TENM4: variants seen among roughly 807,000 people sequenced by gnomAD.
The protein encoded by TENM4 is teneurin-4.
A neutral mutation model predicts 243.3 loss-of-function variants in TENM4; 82 were observed. That is an observed-to-expected ratio of 0.34 (90% confidence interval 0.28 to 0.40). The LOEUF (loss-of-function observed/expected upper bound fraction) is 0.40, where lower values mean the gene tolerates loss of function less well. Ranked by LOEUF, TENM4 falls within the 10% of genes least tolerant of loss-of-function variation. The pLI is 1.00. For synonymous variants in TENM4, 1,412 were observed against 1,456.3 expected (o/e 0.97, Z 0.69); for missense variants, 3,138 against 3,673.3 (o/e 0.85, Z 3.77).
At chr11:79,095,285 G>C (rs1478056834) in intron 4 of TENM4, among the ~76,000 whole-genome samples, 1 of 152,174 alleles carries the variant, frequency 6.6e-6, no homozygotes, top group Non-Finnish European at 1.5e-5. Flanking sequence ...CCTCGCCCAG[G>C]TGGTAAGCAG....
chr11:79,409,686 T>A (rs1858657774), intron 1 of TENM4, among the ~76,000 whole-genome samples: 1 of 152,180 alleles, frequency 6.6e-6, no homozygotes, highest in Admixed American at 6.5e-5. Flanking sequence ...TCAACCCACC[T>A]GCAGCCTCCA....
chr11:79,297,919 G>C (rs1353013340), intron 1 of TENM4, among the ~76,000 whole-genome samples: 1 of 151,330 alleles, frequency 6.6e-6, no homozygotes, highest in Non-Finnish European at 1.5e-5. Flanking sequence ...CCAACAATTT[G>C]GGCTTTTTTT....
chr11:79,393,329 C>T (rs542466078), intron 1 of TENM4, among the ~76,000 whole-genome samples: 29 of 125,946 alleles, frequency 2.3e-4, no homozygotes, highest in Non-Finnish European at 4.5e-4. Context: ...AAACTCAGCT[C>T]GTTGGGCAAG....
At chr11:78,866,680 G>A (rs1382434607) in intron 9 of TENM4, among the ~76,000 whole-genome samples, 1 of 152,190 alleles carries the variant, frequency 6.6e-6, no homozygotes, top group Non-Finnish European at 1.5e-5. Context: ...CAACACAGCT[G>A]TGAGGCTGGC....
intron 1 of TENM4, among the ~76,000 whole-genome samples, chr11:79,341,902 C>A (rs1193185131): frequency 6.6e-6 from 1 of 152,158 alleles, no homozygotes; most frequent in Non-Finnish European, 1.5e-5. Context: ...TGAGTTCCAG[C>A]AAATATACCC....
intron 4 of TENM4, among the ~76,000 whole-genome samples, chr11:79,142,358 T>A (rs1176365659): frequency 2.0e-5 from 3 of 151,614 alleles, no homozygotes; most frequent in Non-Finnish European, 4.4e-5. Flanking sequence ...GAAAAAAAAA[T>A]TAAGAATGTA....
chr11:79,413,864 CA>C (rs962835295), intron 1 of TENM4, among the ~76,000 whole-genome samples: 2 of 150,610 alleles, frequency 1.3e-5, no homozygotes, highest in South Asian at 2.1e-4. Flanking sequence ...ATCATGTCTG[CA>C]AAAAAAAGGA....
intron 3 of TENM4, among the ~76,000 whole-genome samples, chr11:79,193,609 C>T (rs77746720): frequency 0.089 from 13,589 of 152,160 alleles, 755 homozygotes; most frequent in Admixed American, 0.15. Flanking sequence ...CACAGACTGA[C>T]ACATCTGATC....
At chr11:79,301,619 T>C (rs1473305881) in intron 1 of TENM4, among the ~76,000 whole-genome samples, 1 of 152,228 alleles carries the variant, frequency 6.6e-6, no homozygotes, top group African/African-American at 2.4e-5. Context: ...ATGAATGACA[T>C]GGTTTGGATC....
chr11:79,396,898 G>A (rs1007701478), intron 1 of TENM4, among the ~76,000 whole-genome samples: 9 of 152,290 alleles, frequency 5.9e-5, no homozygotes, highest in East Asian at 5.8e-4. Flanking sequence ...TGTCTGAGTC[G>A]GTTTGCCAAG....
chr11:79,213,951 T>C (rs983910014), intron 3 of TENM4, among the ~76,000 whole-genome samples: 1 of 152,122 alleles, frequency 6.6e-6, no homozygotes, highest in African/African-American at 2.4e-5. Context: ...CCTCAGTAAA[T>C]GTGACCCCAC....
At chr11:78,823,398 C>T (rs1857780630) in intron 12 of TENM4, among the ~76,000 whole-genome samples, 1 of 152,202 alleles carries the variant, frequency 6.6e-6, no homozygotes, top group African/African-American at 2.4e-5. Context: ...TGACACAGCC[C>T]ACTGGGCAGA....
chr11:78,799,256 G>C (rs189908324), intron 15 of TENM4, among the ~76,000 whole-genome samples: 5 of 152,314 alleles, frequency 3.3e-5, no homozygotes, highest in African/African-American at 1.2e-4. Flanking sequence ...CAATGATCTA[G>C]ATAATGACTC....
At chr11:78,725,972 G>C in intron 23 of TENM4, 107 bp downstream of exon 23, 1 of 1,452,040 alleles carries the variant, frequency 6.9e-7, no homozygotes. Flanking sequence ...TGACCACATA[G>C]GAGCCTATGG....
chr11:79,187,006 G>C (rs180808344), intron 3 of TENM4, among the ~76,000 whole-genome samples: 68 of 152,320 alleles, frequency 4.5e-4, no homozygotes, highest in African/African-American at 1.4e-3. Context: ...CTGGAGAGTA[G>C]AGTAATTTAT....
chr11:78,995,413 G>A (rs147737161), intron 6 of TENM4, among the ~76,000 whole-genome samples: 146 of 152,242 alleles, frequency 9.6e-4, no homozygotes, highest in South Asian at 8.5e-3. Flanking sequence ...AGCTGGCAGG[G>A]AAAGTACTGA....
intron 3 of TENM4, among the ~76,000 whole-genome samples, chr11:79,178,736 G>A (rs954377245): frequency 1.3e-5 from 2 of 152,086 alleles, no homozygotes; most frequent in African/African-American, 4.8e-5. Flanking sequence ...ATTCACTTCT[G>A]TCTCCCCCAC....
intron 1 of TENM4, among the ~76,000 whole-genome samples, chr11:79,394,605 T>A (rs545913219): frequency 1.3e-5 from 2 of 151,858 alleles, no homozygotes; most frequent in East Asian, 3.9e-4. Context: ...CTACTGAGAG[T>A]TGAATCATGT....
intron 26 of TENM4, among the ~76,000 whole-genome samples, chr11:78,709,903 G>C (rs771485907): frequency 6.6e-6 from 1 of 152,186 alleles, no homozygotes; most frequent in East Asian, 1.9e-4. Flanking sequence ...GTTCAGAATC[G>C]CAAGAATCAG....
Sources: gnomAD v4.1 joint callset for allele counts (sites outside exome capture counted in the v4.1 genomes callset) on GRCh38, gnomAD v4.1.1 for gene constraint, MANE v1.5 for transcripts, NCBI Gene and HGNC (gene_info 2026-07-23, HGNC 2026-07-21) for gene names.